The following SLC24A2 variants were observed in gnomAD, a reference collection of about 807,000 sequenced individuals.
The protein encoded by SLC24A2 is solute carrier family 24 member 2.
Under a neutral mutation model 62.0 loss-of-function variants are expected in SLC24A2, and 36 were observed. The observed-to-expected ratio is 0.58, with a 90% CI of 0.44 to 0.77. SLC24A2 has a LOEUF of 0.77. Among genes scored for constraint, SLC24A2 ranks in the 30% least tolerant of loss-of-function variants. The pLI, the probability that SLC24A2 is intolerant of heterozygous loss-of-function variation, is 0.00. For missense variants in SLC24A2, 846 were observed against 817.9 expected, an observed-to-expected ratio of 1.03 and a Z score of -0.42; for synonymous variants, 358 against 294.0, an observed-to-expected ratio of 1.22 and a Z score of -2.23.
At chr9:20,157,454 T>G in the SLC24A2 span, among the ~76,000 whole-genome samples, 1 of 151,670 alleles carries the variant, frequency 6.6e-6, no homozygotes, top group African/African-American at 2.4e-5. Flanking sequence ...ACAGAATACA[T>G]GGGTGAAACA....
chr9:19,581,029 G>C (rs1836191211), intron 5 of SLC24A2, among the ~76,000 whole-genome samples: 1 of 152,156 alleles, frequency 6.6e-6, no homozygotes, highest in South Asian at 2.1e-4. Flanking sequence ...CTGTAAGTTA[G>C]AGGAAAAAGA....
the SLC24A2 span, among the ~76,000 whole-genome samples, chr9:19,811,678 T>A: frequency 6.6e-6 from 1 of 152,156 alleles, no homozygotes; most frequent in Admixed American, 6.6e-5. Flanking sequence ...GCATCCTCAA[T>A]TAATTTTAGT....
chr9:19,950,918 A>T, the SLC24A2 span, among the ~76,000 whole-genome samples: 256 of 152,332 alleles, frequency 1.7e-3, 1 homozygote, highest in African/African-American at 5.6e-3. Flanking sequence ...AGGTTTTTGC[A>T]AAATGGAGAG....
intron 8 of SLC24A2, among the ~76,000 whole-genome samples, chr9:19,535,969 C>G (rs1034429841): frequency 2.0e-5 from 3 of 150,390 alleles, no homozygotes; most frequent in Non-Finnish European, 2.9e-5. Context: ...TCTTCCTATC[C>G]ATGAGCAGGC....
At chr9:20,162,646 C>T in the SLC24A2 span, among the ~76,000 whole-genome samples, 1 of 151,990 alleles carries the variant, frequency 6.6e-6, no homozygotes, top group East Asian at 1.9e-4. Context: ...CAGCATCATC[C>T]TGATACCAAA....
intron 2 of SLC24A2, among the ~76,000 whole-genome samples, chr9:19,647,764 T>A (rs1564016229): frequency 1.3e-5 from 2 of 152,204 alleles, no homozygotes; most frequent in Non-Finnish European, 2.9e-5. Flanking sequence ...TGAACATAGG[T>A]TCTCACCTCT....
intron 10 of SLC24A2, among the ~76,000 whole-genome samples, chr9:19,518,352 A>G (rs776491751): frequency 1.2e-4 from 19 of 152,216 alleles, no homozygotes; most frequent in Non-Finnish European, 2.5e-4. Context: ...TGAAATACAC[A>G]AGAATTTCAA....
the SLC24A2 span, among the ~76,000 whole-genome samples, chr9:19,867,768 C>G: frequency 2.0e-5 from 3 of 151,962 alleles, no homozygotes; most frequent in Non-Finnish European, 4.4e-5. Flanking sequence ...ATTAGCTGGG[C>G]GTGGTGTTGC....
chr9:19,689,031 A>G (rs953208507), intron 2 of SLC24A2, among the ~76,000 whole-genome samples: 2 of 152,170 alleles, frequency 1.3e-5, no homozygotes, highest in African/African-American at 4.8e-5. Context: ...GCTGAGAGAA[A>G]AACCAGCATA....
At chr9:19,544,893 G>C (rs1021841138) in intron 8 of SLC24A2, among the ~76,000 whole-genome samples, 1 of 152,126 alleles carries the variant, frequency 6.6e-6, no homozygotes, top group African/African-American at 2.4e-5. Context: ...TGAATCTGAT[G>C]ATTATGTGTC....
chr9:19,964,899 G>A, the SLC24A2 span, among the ~76,000 whole-genome samples: 2 of 152,178 alleles, frequency 1.3e-5, no homozygotes, highest in Admixed American at 1.3e-4. Context: ...TCAGTAAGGT[G>A]AGAAGCAACG....
chr9:20,108,563 T>C, the SLC24A2 span, among the ~76,000 whole-genome samples: 1 of 151,890 alleles, frequency 6.6e-6, no homozygotes, highest in African/African-American at 2.4e-5. Context: ...ATGGATGAAG[T>C]TGGAAATCAT....
At chr9:20,083,649 C>T in the SLC24A2 span, among the ~76,000 whole-genome samples, 1 of 152,170 alleles carries the variant, frequency 6.6e-6, no homozygotes, top group African/African-American at 2.4e-5. Context: ...TTTATGATAA[C>T]ACAGTACCCA....
At chr9:19,721,286 C>A (rs1821017994) in intron 2 of SLC24A2, among the ~76,000 whole-genome samples, 1 of 152,070 alleles carries the variant, frequency 6.6e-6, no homozygotes. Context: ...AGACCCAGAG[C>A]AAAATGATTT....
chr9:20,079,240 C>T, the SLC24A2 span, among the ~76,000 whole-genome samples: 1 of 152,136 alleles, frequency 6.6e-6, no homozygotes, highest in Non-Finnish European at 1.5e-5. Flanking sequence ...GACTTCCGGC[C>T]TTCAGAACTC....
intron 5 of SLC24A2, among the ~76,000 whole-genome samples, chr9:19,582,853 T>C (rs1836248056): frequency 6.6e-6 from 1 of 152,134 alleles, no homozygotes; most frequent in Non-Finnish European, 1.5e-5. Context: ...CTGGTGTCTC[T>C]ATTTTTAAAA....
chr9:20,079,747 A>C, the SLC24A2 span, among the ~76,000 whole-genome samples: 8 of 152,334 alleles, frequency 5.3e-5, no homozygotes, highest in Non-Finnish European at 1.0e-4. Flanking sequence ...TTAGTGGTGT[A>C]TAAGAATGCT....
In SLC24A2 at chr9:19,755,752, C is replaced by G. The variant is rs10964273; in HGVS notation, c.930+30185G>C. On this transcript the variant is annotated intron_variant, in intron 2 of 10. Coordinates refer to ENST00000341998, the MANE Select transcript of SLC24A2 (RefSeq NM_020344.4). ...GGCTCCTTAGTTTGTTATCTGTAGA[C>G]AGCCAACGTGCTAGTCAGAACAGTC... 5.8e-3 allele frequency among the ~76,000 whole-genome samples: 880 copies of G among 152,288 alleles called. 23 individuals carry two copies. In the South Asian group the frequency reaches 0.065, roughly 11 times the overall value.
chr9:20,030,897 C>T, the SLC24A2 span, among the ~76,000 whole-genome samples: 5 of 151,986 alleles, frequency 3.3e-5, no homozygotes, highest in African/African-American at 9.7e-5. Context: ...GTGATGACTC[C>T]ACCCGCTGCT....
Sources: allele counts gnomAD v4.1 joint callset (sites outside exome capture counted in the v4.1 genomes callset), GRCh38; gene constraint gnomAD v4.1.1; transcripts MANE v1.5; gene names NCBI Gene and HGNC (gene_info 2026-07-23, HGNC 2026-07-21).